The following PIK3R5 variants were observed in gnomAD, a reference collection of about 807,000 sequenced individuals.
PIK3R5 encodes phosphoinositide-3-kinase regulatory subunit 5.
In PIK3R5, 32 loss-of-function variants were observed where a neutral mutation model predicts 94.9. That is an observed-to-expected ratio of 0.34 (90% confidence interval 0.25 to 0.45). The LOEUF is 0.45. Among genes scored for constraint, PIK3R5 ranks in the 20% least tolerant of loss-of-function variants. The probability of loss-of-function intolerance (pLI) is 1.00; values close to 1 mark genes in which losing one functional copy is unlikely to be tolerated. For missense variants in PIK3R5, 853 were observed against 1,144.6 expected (o/e 0.75, Z 3.68); for synonymous variants, 443 against 479.4 (o/e 0.92, Z 0.99).
At chr17:8,959,667 A>G (rs2091526321) in intron 1 of PIK3R5, among the ~76,000 whole-genome samples, 1 of 152,216 alleles carries the variant, frequency 6.6e-6, no homozygotes, top group Non-Finnish European at 1.5e-5. Flanking sequence ...AAAAGGGCCA[A>G]ACCACCAAGC....
At position 8,907,721 on chromosome 17, in the gene PIK3R5, C is replaced by A. The variant is rs147409371; in HGVS notation, c.204+1353G>T. Among the ~76,000 whole-genome samples, 335 of 152,140 alleles carry A rather than the reference C, an allele frequency of 2.2e-3. 5 individuals are homozygous for A. The highest frequency in any genetic ancestry group is 0.021 in the East Asian group (108 of 5,170). ...GTGGCACGATCTTGGCTCACTGCAG[C>A]CTTGACCTCCTGGGCTCAAGCAATC... On this transcript the variant is annotated intron_variant, in intron 3 of 18. Coordinates refer to ENST00000447110, the MANE Select transcript of PIK3R5 (RefSeq NM_001142633.3).
intron 4 of PIK3R5, among the ~76,000 whole-genome samples, chr17:8,905,327 G>A (rs1273946224): frequency 1.8e-5 from 1 of 54,840 alleles, no homozygotes; most frequent in Non-Finnish European, 3.7e-5. Flanking sequence ...ATGCCCCCCT[G>A]TCTGGTGAAT....
At chr17:8,924,605 C>T (rs2090831722) in intron 1 of PIK3R5, among the ~76,000 whole-genome samples, 1 of 152,152 alleles carries the variant, frequency 6.6e-6, no homozygotes, top group Non-Finnish European at 1.5e-5. Flanking sequence ...ACCCCGTCTT[C>T]TCTCCATTAA....
intron 1 of PIK3R5, among the ~76,000 whole-genome samples, chr17:8,920,820 T>TA (rs2090726815): frequency 1.5e-5 from 2 of 133,174 alleles, no homozygotes; most frequent in African/African-American, 2.6e-5. Context: ...GTATATTAAG[T>TA]ATTTTTTTTT....
rs1345135188 is a variant in PIK3R5, at chr17:8,889,388, AAGCC to A, written c.812-170_812-167del. 1.3e-5 allele frequency among the ~76,000 whole-genome samples: 2 copies of A among 152,200 alleles called. No individual in the cohort carries two copies. Among genetic ancestry groups the A allele is most frequent in the African/African-American group, 4.8e-5 (2 of 41,436 alleles). ...AGTTACAGCCAGGGTGCCAGGCTCC[AAGCC>A]AGAGGCCCTTCTTTCAAGCACACCA... On this transcript the variant is annotated intron_variant, in intron 8 of 18. Coordinates refer to ENST00000447110, the MANE Select transcript of PIK3R5 (RefSeq NM_001142633.3). This position sits in a 1 kb window ranked among gnomAD's most constrained non-coding sequence, Gnocchi z 4.1.
rs1367871307 is a variant in PIK3R5, at chr17:8,887,658, G to T, written c.1642C>A (p.Leu548Ile). The T allele has an allele frequency of 3.1e-6, 5 of 1,604,616 alleles. No individual in the cohort carries two copies. Among genetic ancestry groups the T allele is most frequent in the Non-Finnish European group, 4.3e-6 (5 of 1,175,496 alleles). Residue 548 changes from leucine (L) to isoleucine (I), a missense_variant, in exon 11 of 19, where the codon CTC becomes ATC. Physicochemically the swap from Leu to Ile is conservative, Grantham distance 5. Around this residue, in one of 6 missense-constraint regions of PIK3R5, gnomAD observed 319 missense variants for 339.8 expected, o/e 0.94. Transcript: ENST00000447110. ...LRRLENNRPLLTRFFKLQFFY... is the reference protein window; with the variant it reads ...LRRLENNRPLITRFFKLQFFY... ...AACTGAAGTTTGAAGAACCGTGTGA[G>T]GAGTGGGCGATTGTTCTCCAGCCGC...
intron 1 of PIK3R5, among the ~76,000 whole-genome samples, chr17:8,929,991 T>C (rs1295821292): frequency 1.3e-5 from 2 of 152,122 alleles, no homozygotes; most frequent in African/African-American, 4.8e-5. Context: ...CAAGAAATAA[T>C]CGGAGACTTC....
chr17:8,947,728 G>A lies in PIK3R5; in HGVS notation c.-14+17868C>T, dbSNP rs561775659. On this transcript the variant is annotated intron_variant, in intron 1 of 18. Coordinates refer to ENST00000447110, the MANE Select transcript of PIK3R5 (RefSeq NM_001142633.3). Reference sequence around the variant, plus strand: ...GTGATACGAAAGAGAGAGAATGAGCGTATCATGAAAGCAAGCCTTAAGAAA... The same window carrying A: ...GTGATACGAAAGAGAGAGAATGAGCATATCATGAAAGCAAGCCTTAAGAAA... 4.6e-5 allele frequency among the ~76,000 whole-genome samples: 7 copies of A among 152,268 alleles called. No individual in the cohort carries two copies. The South Asian group carries it at 6.2e-4, about 14-fold the overall frequency.
chr17:8,946,589 T>C (rs2091275732), intron 1 of PIK3R5, among the ~76,000 whole-genome samples: 1 of 152,016 alleles, frequency 6.6e-6, no homozygotes, highest in Non-Finnish European at 1.5e-5. Context: ...CAAGTGAATA[T>C]GAGCACAAGA....
intron 14 of PIK3R5, among the ~76,000 whole-genome samples, chr17:8,885,254 G>A (rs1383580093): frequency 1.6e-5 from 2 of 124,892 alleles, no homozygotes; most frequent in Non-Finnish European, 3.4e-5. Context: ...CCCGGTAACC[G>A]TGCCTCCCCA....
chr17:8,880,848 G>A (rs1034453145), intron 18 of PIK3R5, 57 bp downstream of exon 18: 55 of 1,612,844 alleles, frequency 3.4e-5, no homozygotes, highest in African/African-American at 5.3e-5. Context: ...CTCCTTCCAG[G>A]CCTCTGGGTT....
Position 8,888,403 on chromosome 17 carries a change from G to T in PIK3R5, c.1384C>A (p.Pro462Thr), listed in dbSNP as rs752267265. 1.6e-5 allele frequency: 26 copies of T among 1,584,586 alleles called. No individual in the cohort carries two copies. In the Admixed American group the frequency reaches 4.6e-4, roughly 28 times the overall value. ...PLRRAGSLCSPLDEPVSPPSR... is the reference protein window; with the variant it reads ...PLRRAGSLCSTLDEPVSPPSR... ...GGGGGTGATACTGGTTCGTCCAGGG[G>T]GCTGCAGAGGCTCCCTGCCCGCCTC... Residue 462 changes from proline to threonine, a missense_variant, in exon 10 of 19, where the codon CCC becomes ACC. This residue lies in a region of PIK3R5 where 319 missense variants were observed against 339.8 expected (regional missense o/e 0.94). Coordinates refer to ENST00000447110, the MANE Select transcript of PIK3R5 (RefSeq NM_001142633.3). The surrounding 1 kb of genome is among the most constrained non-coding windows in gnomAD (Gnocchi z 7.8).
intron 1 of PIK3R5, among the ~76,000 whole-genome samples, chr17:8,942,853 G>A (rs2091209208): frequency 2.0e-5 from 3 of 151,878 alleles, no homozygotes; most frequent in African/African-American, 4.8e-5. Context: ...TGATCCGCCC[G>A]CCTCGGCCTC....
intron 1 of PIK3R5, among the ~76,000 whole-genome samples, chr17:8,918,088 T>G (rs72844603): frequency 0.066 from 10,017 of 152,264 alleles, 429 homozygotes; most frequent in Non-Finnish European, 0.088. Flanking sequence ...ATAGAAAAAT[T>G]TTAAAAAGAT....
chr17:8,886,423 G>A, intron 13 of PIK3R5, 54 bp downstream of exon 13: 1 of 1,599,948 alleles, frequency 6.3e-7, no homozygotes, highest in Non-Finnish European at 8.5e-7. Context: ...CAGGGGTGGG[G>A]CCTTGCAGGC....
intron 3 of PIK3R5, among the ~76,000 whole-genome samples, chr17:8,906,283 G>A (rs1370183165): frequency 1.3e-5 from 2 of 152,134 alleles, no homozygotes; most frequent in Non-Finnish European, 2.9e-5. Context: ...TGTCTGCGAA[G>A]CTATAAGCTG....
chr17:8,914,086 C>T (rs1710111438), intron 1 of PIK3R5, among the ~76,000 whole-genome samples: 6 of 152,198 alleles, frequency 3.9e-5, no homozygotes, highest in Admixed American at 3.9e-4. Context: ...GGTAGAACAC[C>T]AGACACCTTC....
At chr17:8,931,302 C>G (rs1007548913) in intron 1 of PIK3R5, among the ~76,000 whole-genome samples, 4 of 152,122 alleles carry the variant, frequency 2.6e-5, no homozygotes, top group Non-Finnish European at 5.9e-5. Context: ...CGAGAGTCCA[C>G]CCAAAAGAAG....
chr17:8,908,572 C>CACACAA (rs59377538), intron 3 of PIK3R5, among the ~76,000 whole-genome samples: 11 of 149,140 alleles, frequency 7.4e-5, no homozygotes, highest in Non-Finnish European at 1.0e-4. Context: ...CACACACACA[C>CACACAA]AACCATAAAA....
Sources: allele counts gnomAD v4.1 joint callset (sites outside exome capture counted in the v4.1 genomes callset), GRCh38; gene constraint gnomAD v4.1.1; regional missense constraint gnomAD v4.1.1; non-coding constraint Gnocchi (gnomAD v3.1); transcripts MANE v1.5; gene names NCBI Gene and HGNC (gene_info 2026-07-23, HGNC 2026-07-21).